C7: variants seen among roughly 807,000 people sequenced by gnomAD.
The protein encoded by C7 is complement component C7.
Under a neutral mutation model 104.8 loss-of-function variants are expected in C7, and 83 were observed. The observed-to-expected ratio is 0.79, with a 90% CI of 0.66 to 0.95. The LOEUF (loss-of-function observed/expected upper bound fraction) is 0.95, where lower values mean the gene tolerates loss of function less well. C7 is among the 40% of genes least tolerant of loss of function. C7 has a pLI of 0.00. For missense variants in C7, 1,070 were observed against 1,011.2 expected, an observed-to-expected ratio of 1.06 and a Z score of -0.79; for synonymous variants, 415 against 360.6, an observed-to-expected ratio of 1.15 and a Z score of -1.71.
At position 40,975,366 on chromosome 5, in the gene C7, C is replaced by CTTTT. The variant is rs1162765793; in HGVS notation, c.2075-1372_2075-1369dup. On this transcript the variant is annotated intron_variant, in intron 15 of 17. Coordinates refer to ENST00000313164, the MANE Select transcript of C7 (RefSeq NM_000587.4). ...TAATACCATTTTAAAGAGAAGTGTG[C>CTTTT]TTTTTTTTTTTTTTTGAGACAAGGT... Among the ~76,000 whole-genome samples, 975 of 141,996 alleles carry CTTTT rather than the reference C, an allele frequency of 6.9e-3. 40 individuals carry two copies. Among genetic ancestry groups the CTTTT allele is most frequent in the African/African-American group, 0.016 (623 of 38,708 alleles). 93.2% of individuals were successfully genotyped at this position (141,996 alleles called of 152,430 possible).
At chr5:40,945,471 A>C in intron 7 of C7, 103 bp downstream of exon 7, 1 of 732,378 alleles carries the variant, frequency 1.4e-6, no homozygotes, top group Non-Finnish European at 2.2e-6. Flanking sequence ...TCATATTAAA[A>C]TTAGTAATAG....
intron 12 of C7, among the ~76,000 whole-genome samples, chr5:40,961,479 A>G (rs957686413): frequency 2.6e-5 from 4 of 151,852 alleles, no homozygotes; most frequent in African/African-American, 9.7e-5. Flanking sequence ...CCGCCTCCCA[A>G]GCTCAGGAGA....
At chr5:40,937,799 T>C in intron 6 of C7, 109 bp downstream of exon 6, 1 of 897,570 alleles carries the variant, frequency 1.1e-6, no homozygotes, top group Middle Eastern at 2.8e-4. Context: ...TAATGTGTGG[T>C]CAATTTTTAT....
At chr5:40,965,847 T>C (rs1740539540) in intron 14 of C7, among the ~76,000 whole-genome samples, 2 of 151,762 alleles carry the variant, frequency 1.3e-5, no homozygotes, top group East Asian at 1.9e-4. Flanking sequence ...TTCACTATGT[T>C]GGCCAGGCTG....
At chr5:40,963,682 G>T (rs1208374354) in intron 13 of C7, among the ~76,000 whole-genome samples, 4 of 152,058 alleles carry the variant, frequency 2.6e-5, no homozygotes, top group Non-Finnish European at 4.4e-5. Flanking sequence ...CAATGAGAAG[G>T]GTAAGGAAAG....
In C7 at chr5:40,922,616, G is replaced by T. The variant is rs910096161; in HGVS notation, c.7-5964G>T. ...CTAAGGAGGCTGAGGCAGGAGAATT[G>T]CTTGAACCCAGGAGGAGGAGGTTGC... On this transcript the variant is annotated intron_variant, in intron 1 of 17. Coordinates refer to ENST00000313164, the MANE Select transcript of C7 (RefSeq NM_000587.4). Among the ~76,000 whole-genome samples the T allele has an allele frequency of 1.3e-5, 2 of 150,460 alleles. 1 individual carries two copies. The highest frequency in any genetic ancestry group is 3.0e-5 in the Non-Finnish European group (2 of 67,784).
At chr5:40,933,874 G>A (rs937225040) in intron 3 of C7, among the ~76,000 whole-genome samples, 1 of 151,722 alleles carries the variant, frequency 6.6e-6, no homozygotes, top group African/African-American at 2.4e-5. Flanking sequence ...ATCATTCTAT[G>A]CTCTAATGTA....
intron 6 of C7, among the ~76,000 whole-genome samples, chr5:40,942,500 G>C (rs371201975): frequency 7.7e-4 from 117 of 152,284 alleles, no homozygotes; most frequent in African/African-American, 2.7e-3. Flanking sequence ...CAGTTTAAGA[G>C]GTCTCTGAAG....
chr5:40,980,645 G>A (rs529674632), intron 17 of C7, among the ~76,000 whole-genome samples: 6 of 152,340 alleles, frequency 3.9e-5, no homozygotes, highest in Admixed American at 2.6e-4. Context: ...CCAAGTCACT[G>A]TCTGGGCTTC....
chr5:40,959,973 G>C (rs541663129), intron 12 of C7, among the ~76,000 whole-genome samples: 1 of 152,296 alleles, frequency 6.6e-6, no homozygotes, highest in African/African-American at 2.4e-5. Flanking sequence ...AAGATTATCT[G>C]TTTATTGTTA....
intron 12 of C7, among the ~76,000 whole-genome samples, chr5:40,961,560 G>C (rs1579866226): frequency 6.6e-6 from 1 of 151,834 alleles, no homozygotes; most frequent in South Asian, 2.1e-4. Context: ...AATTTTTGTA[G>C]TTTTAGTAGA....
chr5:40,938,541 C>T (rs1365014477), intron 6 of C7, among the ~76,000 whole-genome samples: 2 of 152,162 alleles, frequency 1.3e-5, no homozygotes, highest in African/African-American at 4.8e-5. Flanking sequence ...ACACCTGGAA[C>T]TCAAATTGCT....
At position 40,945,355 on chromosome 5, in the gene C7, T is replaced by C; in HGVS notation, c.725T>C (p.Ile242Thr). The C allele has an allele frequency of 6.3e-7, 1 of 1,589,574 alleles. No individual in the cohort carries two copies. The highest frequency in any genetic ancestry group is 8.5e-7 in the Non-Finnish European group (1 of 1,172,652). ...SRSYTSHTNE[I>T]HKGKSYQLLV... ...AGTTATACTTCACATACCAATGAAA[T>C]CCATAAAGGAAAGGTTAGTATAAAA... The change falls in exon 7 of 18, where the codon ATC becomes ACC. Residue 242 changes from isoleucine (I) to threonine (T), a missense_variant. Physicochemically the swap from Ile to Thr is moderately conservative, Grantham distance 89. Coordinates refer to ENST00000313164, the MANE Select transcript of C7 (RefSeq NM_000587.4).
At chr5:40,978,728 T>C (rs2111728266) in intron 16 of C7, among the ~76,000 whole-genome samples, 1 of 152,274 alleles carries the variant, frequency 6.6e-6, no homozygotes, top group Non-Finnish European at 1.5e-5. Context: ...TGCTGTGTTG[T>C]CTAAGGTTTC....
intron 13 of C7, among the ~76,000 whole-genome samples, chr5:40,962,561 G>A (rs1740445927): frequency 1.3e-5 from 2 of 152,066 alleles, no homozygotes; most frequent in Non-Finnish European, 2.9e-5. Context: ...TGTAGGCCCT[G>A]GGATGAAGTA....
At chr5:40,926,504 A>G (rs1339380214) in intron 1 of C7, among the ~76,000 whole-genome samples, 1 of 152,212 alleles carries the variant, frequency 6.6e-6, no homozygotes, top group Non-Finnish European at 1.5e-5. Flanking sequence ...ACACAATCTT[A>G]TATGTAGAAA....
At chr5:40,977,972 A>C (rs1740854053) in intron 16 of C7, among the ~76,000 whole-genome samples, 1 of 151,934 alleles carries the variant, frequency 6.6e-6, no homozygotes, top group African/African-American at 2.4e-5. Flanking sequence ...CTTCTCTACA[A>C]AAAATACAAA....
chr5:40,940,079 G>A (rs1461632638), intron 6 of C7, among the ~76,000 whole-genome samples: 3 of 152,182 alleles, frequency 2.0e-5, no homozygotes, highest in African/African-American at 7.2e-5. Context: ...GGTGGTGAAT[G>A]TCCTCCATGG....
intron 1 of C7, among the ~76,000 whole-genome samples, chr5:40,918,983 C>CACACAT (rs1191867167): frequency 3.0e-4 from 43 of 141,402 alleles, no homozygotes; most frequent in Admixed American, 2.2e-4. Flanking sequence ...CACACACACA[C>CACACAT]ACACACACAG....
Sources: gnomAD v4.1 joint callset for allele counts (sites outside exome capture counted in the v4.1 genomes callset) on GRCh38, gnomAD v4.1.1 for gene constraint, MANE v1.5 for transcripts, NCBI Gene and HGNC (gene_info 2026-07-23, HGNC 2026-07-21) for gene names.